ABTB3: variants seen among roughly 807,000 people sequenced by gnomAD.
The protein encoded by ABTB3 is ankyrin repeat- and BTB/POZ domain-containing protein 3.
chr12:107,611,748 A>C, the ABTB3 span, among the ~76,000 whole-genome samples: 1 of 152,028 alleles, frequency 6.6e-6, no homozygotes, highest in African/African-American at 2.4e-5. Flanking sequence ...TTCCTTTTAC[A>C]CACCCTCCAG....
At chr12:107,599,725 G>A in the ABTB3 span, among the ~76,000 whole-genome samples, 17 of 152,098 alleles carry the variant, frequency 1.1e-4, no homozygotes, top group East Asian at 3.9e-4. Flanking sequence ...TTGTATTACC[G>A]CACCTAATCC....
At chr12:107,500,103 G>A in the ABTB3 span, among the ~76,000 whole-genome samples, 1 of 152,196 alleles carries the variant, frequency 6.6e-6, no homozygotes, top group Non-Finnish European at 1.5e-5. Context: ...CTGACATGCG[G>A]CGATTACAAT....
the ABTB3 span, among the ~76,000 whole-genome samples, chr12:107,504,587 A>G: frequency 6.6e-6 from 1 of 152,252 alleles, no homozygotes; most frequent in East Asian, 1.9e-4. Context: ...GGCTTGGTTG[A>G]ACATGATTTA....
chr12:107,520,079 G>T, the ABTB3 span, among the ~76,000 whole-genome samples: 1 of 152,062 alleles, frequency 6.6e-6, no homozygotes, highest in African/African-American at 2.4e-5. Context: ...AGCAATTTTC[G>T]GCAGAGACTA....
chr12:107,592,714 G>A, the ABTB3 span, among the ~76,000 whole-genome samples: 2 of 152,224 alleles, frequency 1.3e-5, no homozygotes, highest in Non-Finnish European at 2.9e-5. Context: ...TATATATGTA[G>A]TAAAAAGAAT....
the ABTB3 span, among the ~76,000 whole-genome samples, chr12:107,340,557 G>A: frequency 1.3e-5 from 2 of 152,178 alleles, no homozygotes; most frequent in African/African-American, 4.8e-5. Context: ...AGAATCTGGA[G>A]GTGGGGAAGG....
the ABTB3 span, among the ~76,000 whole-genome samples, chr12:107,623,722 G>T: frequency 6.6e-6 from 1 of 152,152 alleles, no homozygotes; most frequent in Non-Finnish European, 1.5e-5. Context: ...AGATAATCAG[G>T]AGTGCCCACT....
At chr12:107,470,030 CTCTCTT>C in the ABTB3 span, among the ~76,000 whole-genome samples, 1 of 139,278 alleles carries the variant, frequency 7.2e-6, no homozygotes, top group Non-Finnish European at 1.6e-5. Context: ...CTCTCTCTCT[CTCTCTT>C]TCTTTCTTTC....
chr12:107,550,693 G>A, the ABTB3 span, among the ~76,000 whole-genome samples: 4 of 149,916 alleles, frequency 2.7e-5, no homozygotes, highest in East Asian at 3.9e-4. Flanking sequence ...CGATTCTCCC[G>A]CCTCGGCTTC....
At chr12:107,628,856 A>G in the ABTB3 span, among the ~76,000 whole-genome samples, 1 of 152,192 alleles carries the variant, frequency 6.6e-6, no homozygotes, top group African/African-American at 2.4e-5. Context: ...AACTTTGCCA[A>G]GGTTACAGAG....
chr12:107,534,054 C>G, the ABTB3 span, among the ~76,000 whole-genome samples: 71 of 152,132 alleles, frequency 4.7e-4, no homozygotes, highest in Non-Finnish European at 7.6e-4. Flanking sequence ...AATTAAAGAG[C>G]CAGCCACAGT....
At chr12:107,345,951 A>T in the ABTB3 span, among the ~76,000 whole-genome samples, 1 of 152,228 alleles carries the variant, frequency 6.6e-6, no homozygotes, top group African/African-American at 2.4e-5. Context: ...AATCTTCATA[A>T]TGGTCTCATG....
At chr12:107,641,991 AAG>A in the ABTB3 span, 2 of 1,100,336 alleles carry the variant, frequency 1.8e-6, no homozygotes, top group Non-Finnish European at 2.8e-6. Context: ...TTTGCAGGGG[AAG>A]AAACAAGGTA....
At chr12:107,637,099 A>G in the ABTB3 span, among the ~76,000 whole-genome samples, 28 of 152,312 alleles carry the variant, frequency 1.8e-4, no homozygotes, top group African/African-American at 6.0e-4. Flanking sequence ...GGTCATGTTT[A>G]CTGAGGGATA....
the ABTB3 span, among the ~76,000 whole-genome samples, chr12:107,519,308 T>A: frequency 6.6e-6 from 1 of 150,450 alleles, no homozygotes; most frequent in Non-Finnish European, 1.5e-5. Flanking sequence ...TTCTTTTTTC[T>A]TTTCTTTTCT....
At chr12:107,622,686 G>A in the ABTB3 span, among the ~76,000 whole-genome samples, 3 of 152,096 alleles carry the variant, frequency 2.0e-5, no homozygotes, top group Non-Finnish European at 4.4e-5. Context: ...GTTGGCCAGG[G>A]TGATCTCGAA....
chr12:107,562,744 C>T, the ABTB3 span, among the ~76,000 whole-genome samples: 1 of 152,232 alleles, frequency 6.6e-6, no homozygotes, highest in African/African-American at 2.4e-5. Context: ...CCGCAGTATC[C>T]TAAGTCTGCT....
the ABTB3 span, among the ~76,000 whole-genome samples, chr12:107,595,879 CAT>C: frequency 2.0e-5 from 3 of 151,718 alleles, no homozygotes; most frequent in African/African-American, 4.8e-5. Flanking sequence ...TATGCATTCA[CAT>C]ATATTATTTC....
the ABTB3 span, among the ~76,000 whole-genome samples, chr12:107,388,829 A>T: frequency 2.6e-5 from 4 of 152,234 alleles, no homozygotes; most frequent in Non-Finnish European, 5.9e-5. Flanking sequence ...AAAGACGAAT[A>T]ATGAACATGG....
Sources: allele counts gnomAD v4.1 joint callset (sites outside exome capture counted in the v4.1 genomes callset), GRCh38; gene constraint gnomAD v4.1.1; transcripts MANE v1.5; gene names NCBI Gene and HGNC (gene_info 2026-07-23, HGNC 2026-07-21).